The following DAB2 variants were observed in gnomAD, a reference collection of about 807,000 sequenced individuals.
The protein encoded by DAB2 is DAB adaptor protein 2.
A neutral mutation model predicts 71.6 loss-of-function variants in DAB2; 28 were observed. That is an observed-to-expected ratio of 0.39 (90% CI 0.29 to 0.54). The LOEUF (loss-of-function observed/expected upper bound fraction) is 0.54. DAB2 is among the 20% of genes least tolerant of loss of function. The pLI is 0.68. For synonymous variants in DAB2, 345 were observed against 339.7 expected, an observed-to-expected ratio of 1.02 and a Z score of -0.17; for missense variants, 867 against 928.8, an observed-to-expected ratio of 0.93 and a Z score of 0.86.
In DAB2 at chr5:39,393,264, A is replaced by G; in HGVS notation, c.221T>C (p.Met74Thr). 3.1e-6 allele frequency: 5 copies of G among 1,613,894 alleles called. No individual in the cohort carries two copies. The highest frequency in any genetic ancestry group is 4.2e-6 in the Non-Finnish European group (5 of 1,179,890). The change falls in exon 3 of 15, where the codon ATG (methionine) becomes ACG (threonine). Residue 74 changes from methionine to threonine, a missense_variant. Physicochemically the swap from Met to Thr is moderately conservative, Grantham distance 81. Coordinates refer to ENST00000320816, the MANE Select transcript of DAB2 (RefSeq NM_001343.4). ...RGDKMSQDSM[M>T]KLKGMAAAGR... The stretch of plus-strand genomic sequence containing the variant: ...TCATTTCCCTTTTACCTTTAGTTTC[A>G]TCATAGAGTCTTGGCTCATTTTATC...
At chr5:39,402,418 T>C (rs1755524344) in intron 1 of DAB2, among the ~76,000 whole-genome samples, 1 of 152,134 alleles carries the variant, frequency 6.6e-6, no homozygotes, top group African/African-American at 2.4e-5. Flanking sequence ...TAATACTTTA[T>C]TTATTTATTT....
chr5:39,381,606 T>C lies in DAB2; in HGVS notation c.1352A>G (p.Asn451Ser), dbSNP rs751038500. 1.2e-6 allele frequency: 2 copies of C among 1,613,874 alleles called. No homozygotes were observed. Among genetic ancestry groups the C allele is most frequent in the Non-Finnish European group, 1.7e-6 (2 of 1,179,904 alleles). ...AAAGATGTCTGATGCAAGCAAGTCA[T>C]TGGCTGAAGACTGACAGGACAGGGA... The part of the protein sequence containing the change: ...RGRRTAKSSA[N>S]DLLASDIFAP... Residue 451 changes from asparagine (N) to serine (S), a missense_variant, in exon 11 of 15, where the codon AAT becomes AGT. Transcript: ENST00000320816.
At chr5:39,389,516 AGTTT>A (rs577694462) in intron 6 of DAB2, among the ~76,000 whole-genome samples, 39 of 152,074 alleles carry the variant, frequency 2.6e-4, no homozygotes, top group Non-Finnish European at 5.0e-4. Context: ...TACAGTTTTA[AGTTT>A]GTTTGTTTGA....
chr5:39,415,273 T>C (rs1187651758), intron 1 of DAB2, among the ~76,000 whole-genome samples: 2 of 152,154 alleles, frequency 1.3e-5, no homozygotes, highest in African/African-American at 2.4e-5. Context: ...GGACCATCTG[T>C]ATGGCAGTAA....
At chr5:39,419,916 G>C (rs1163568052) in intron 1 of DAB2, among the ~76,000 whole-genome samples, 1 of 152,098 alleles carries the variant, frequency 6.6e-6, no homozygotes, top group Admixed American at 6.6e-5. Flanking sequence ...GTGTTTAAAG[G>C]CTTTTGCTTT....
At chr5:39,395,937 C>CTTTTTGT (rs1755356661) in intron 1 of DAB2, among the ~76,000 whole-genome samples, 1 of 74,858 alleles carries the variant, frequency 1.3e-5, no homozygotes, top group South Asian at 5.5e-4. Context: ...CACAGATATT[C>CTTTTTGT]TTTTTTTTTT....
At position 39,408,897 on chromosome 5, in the gene DAB2, A is replaced by G. The variant is rs551396650; in HGVS notation, c.-101-14476T>C. On this transcript the variant is annotated intron_variant, in intron 1 of 14. Transcript: ENST00000320816. ...GTCCAGGAGAGTTCTTCTACGAGTA[A>G]GAATATATTCCTTATTTGCTTATTT... The G allele has an allele frequency of 3.3e-5, 5 of 152,292 alleles. No homozygotes were observed. In the East Asian group the frequency reaches 9.7e-4, roughly 29 times the overall value. 9.4% of individuals were successfully genotyped at this position (152,292 alleles called of 1,614,324 possible).
At chr5:39,399,132 T>C (rs1755442481) in intron 1 of DAB2, among the ~76,000 whole-genome samples, 1 of 152,156 alleles carries the variant, frequency 6.6e-6, no homozygotes, top group Non-Finnish European at 1.5e-5. Context: ...AGCTCTAGGA[T>C]GGTAAAAATT....
At chr5:39,408,062 A>C (rs1425775887) in intron 1 of DAB2, among the ~76,000 whole-genome samples, 1 of 152,252 alleles carries the variant, frequency 6.6e-6, no homozygotes. Flanking sequence ...ATATTTATAT[A>C]ATCCTCAAAG....
At chr5:39,389,346 T>A (rs1755170819) in intron 6 of DAB2, among the ~76,000 whole-genome samples, 1 of 151,858 alleles carries the variant, frequency 6.6e-6, no homozygotes, top group Admixed American at 6.6e-5. Flanking sequence ...TTAATATGAA[T>A]CTCATAGAGA....
chr5:39,394,351 C>G lies in DAB2; in HGVS notation c.-31G>C. ...GAAGGCAGGCAGCAAACCTCAGTAC[C>G]AGTGGACACTTGGTGACACCAGGCG... On this transcript the variant is annotated 5_prime_UTR_variant, in exon 2 of 15. Coordinates refer to ENST00000320816, the MANE Select transcript of DAB2 (RefSeq NM_001343.4). 3 of 1,547,800 alleles carry G rather than the reference C, an allele frequency of 1.9e-6. No homozygotes were observed. Among genetic ancestry groups the G allele is most frequent in the Non-Finnish European group, 2.7e-6 (3 of 1,119,956 alleles).
rs1755590206 is a variant in DAB2 at position 39,405,476 on chromosome 5, A to T, written c.-101-11055T>A. Among the ~76,000 whole-genome samples the T allele has an allele frequency of 6.6e-5, 10 of 152,348 alleles. No individual in the cohort carries two copies. In the South Asian group the frequency reaches 1.9e-3, roughly 28 times the overall value. On this transcript the variant is annotated intron_variant, in intron 1 of 14. Transcript: ENST00000320816. Reference sequence around the variant, plus strand: ...AGAGGTTAAAAATCACATTTCTGTCATTGCCTTACATTGCTGGCACTGAAT... The same window carrying T: ...AGAGGTTAAAAATCACATTTCTGTCTTTGCCTTACATTGCTGGCACTGAAT...
intron 1 of DAB2, among the ~76,000 whole-genome samples, chr5:39,409,042 TATA>T (rs1216512991): frequency 1.3e-5 from 2 of 151,974 alleles, no homozygotes; most frequent in African/African-American, 2.4e-5. Flanking sequence ...TTTGTGATCA[TATA>T]ATAATACCAC....
At chr5:39,396,626 T>C (rs1162420136) in intron 1 of DAB2, among the ~76,000 whole-genome samples, 4 of 152,248 alleles carry the variant, frequency 2.6e-5, no homozygotes, top group Non-Finnish European at 4.4e-5. Flanking sequence ...AAGTTAAATG[T>C]ACAATTTTGT....
At chr5:39,418,320 A>G (rs1028350838) in intron 1 of DAB2, 2 of 152,208 alleles carry the variant, frequency 1.3e-5, no homozygotes, top group African/African-American at 4.8e-5. Flanking sequence ...CATATGTTCA[A>G]ACACATTTGG....
intron 1 of DAB2, among the ~76,000 whole-genome samples, chr5:39,405,849 C>T (rs140342203): frequency 6.6e-6 from 1 of 152,116 alleles, no homozygotes; most frequent in Non-Finnish European, 1.5e-5. Flanking sequence ...AATGTCATCT[C>T]GAACCACCTC....
chr5:39,377,410 T>C (rs1032900647), intron 11 of DAB2, 128 bp from the exon 12 acceptor site: 11 of 923,286 alleles, frequency 1.2e-5, no homozygotes, highest in East Asian at 2.4e-5. Flanking sequence ...GAGGCTGATA[T>C]GGGAAGAATA....
chr5:39,406,953 A>G (rs1755621474), intron 1 of DAB2, among the ~76,000 whole-genome samples: 1 of 152,240 alleles, frequency 6.6e-6, no homozygotes, highest in African/African-American at 2.4e-5. Context: ...TACAAAACAC[A>G]GTAAATGCAT....
In DAB2 at chr5:39,394,310, T is replaced by C; in HGVS notation, c.11A>G (p.Glu4Gly). ...ACCATTGGTTGCACTTGTTTCTACT[T>C]CGTTAGACATGGCAAGAAGGCAGGC... Reference protein sequence around the residue: MSNEVETSATNGQP... With the variant: MSNGVETSATNGQP... The change falls in exon 2 of 15, where the codon GAA becomes GGA. Residue 4 changes from glutamate (E) to glycine (G), a missense_variant. Glu to Gly is a moderately conservative substitution (Grantham distance 98). Coordinates refer to ENST00000320816, the MANE Select transcript of DAB2 (RefSeq NM_001343.4). 1 of 1,614,110 alleles carries C rather than the reference T, an allele frequency of 6.2e-7. No individual in the cohort carries two copies. The highest frequency in any genetic ancestry group is 8.5e-7 in the Non-Finnish European group (1 of 1,179,960).
Sources: allele counts gnomAD v4.1 joint callset (sites outside exome capture counted in the v4.1 genomes callset), GRCh38; gene constraint gnomAD v4.1.1; transcripts MANE v1.5; gene names NCBI Gene and HGNC (gene_info 2026-07-23, HGNC 2026-07-21).